The following NDEL1 variants were observed in gnomAD, a reference collection of about 807,000 sequenced individuals.
NDEL1 encodes the protein nuclear distribution protein nudE-like 1.
NDEL1 carries 9 observed loss-of-function variants against 45.7 expected under a neutral mutation model. The observed-to-expected ratio is 0.20, with a 90% CI of 0.12 to 0.34. NDEL1 has a LOEUF of 0.34. NDEL1 is among the 10% of genes least tolerant of loss of function. The pLI is 1.00. For synonymous variants in NDEL1, 133 were observed against 158.6 expected (o/e 0.84, Z 1.21); for missense variants, 306 against 406.2 (o/e 0.75, Z 2.12).
chr17:8,458,766 G>A (rs546175205), intron 7 of NDEL1, among the ~76,000 whole-genome samples: 10 of 152,028 alleles, frequency 6.6e-5, no homozygotes, highest in South Asian at 2.1e-4. Flanking sequence ...TCACTCTGTC[G>A]CCCAGGCTGT....
downstream of NDEL1, among the ~76,000 whole-genome samples, chr17:8,469,705 C>CT (rs60226650): frequency 1.8e-4 from 23 of 129,180 alleles, no homozygotes; most frequent in African/African-American, 4.2e-4. Context: ...ACTTTAGTGA[C>CT]TTTTTTTTTT....
chr17:8,444,045 G>A (rs1909927662), intron 1 of NDEL1: 1 of 399,282 alleles, frequency 2.5e-6, no homozygotes, highest in Admixed American at 4.4e-5. Context: ...TGTATCAAAG[G>A]ACCTTTGTCA....
Position 8,450,948 on chromosome 17 carries a change from C to G in NDEL1, c.695C>G (p.Pro232Arg). The change falls in exon 6 of 9, where the codon CCG (proline) becomes CGG (arginine). Residue 232 changes from proline to arginine, a missense_variant. Transcript: ENST00000334527. The part of the protein sequence containing the change: ...GKGTENTFPS[P>R]KAIPNGFGTS... ...GGAACGGAGAACACTTTTCCTTCAC[C>G]GAAAGGTTTGTAATGTCTTTTCTTT... 6.2e-7 allele frequency: 1 copy of G among 1,607,840 alleles called. No homozygotes were observed. Among genetic ancestry groups the G allele is most frequent in the South Asian group, 1.1e-5 (1 of 89,942 alleles).
chr17:8,446,044 T>C (rs1401420601), intron 3 of NDEL1, 180 bp downstream of exon 3: 1 of 499,024 alleles, frequency 2.0e-6, no homozygotes, highest in Non-Finnish European at 3.2e-6. Flanking sequence ...GTTTAGAGTT[T>C]AGGAGTTCAC....
intron 6 of NDEL1, among the ~76,000 whole-genome samples, 164 bp from the exon 7 acceptor site, chr17:8,454,632 A>G (rs1055520456): frequency 1.3e-5 from 2 of 152,200 alleles, no homozygotes; most frequent in Admixed American, 6.5e-5. Context: ...ATATCCACCA[A>G]TTGGACAGTG....
chr17:8,470,811 C>T (rs141063953), downstream of NDEL1, among the ~76,000 whole-genome samples: 420 of 152,332 alleles, frequency 2.8e-3, 3 homozygotes, highest in East Asian at 0.021. The surrounding 1 kb of genome is among the most constrained non-coding windows in gnomAD (Gnocchi z 4.2). Context: ...GCGGCGGGGC[C>T]GGCACAGCCT....
chr17:8,459,248 G>A (rs1187448849), intron 7 of NDEL1, among the ~76,000 whole-genome samples: 7 of 152,126 alleles, frequency 4.6e-5, no homozygotes, highest in Admixed American at 2.0e-4. Context: ...TGGGCAAAGT[G>A]TTTATGGGAA....
At chr17:8,464,399 T>G (rs1333520372) in intron 8 of NDEL1, 1 of 152,212 alleles carries the variant, frequency 6.6e-6, no homozygotes, top group Non-Finnish European at 1.5e-5. Context: ...TCTCTTCTCT[T>G]GCAAATCTTT....
At chr17:8,445,628 T>C in intron 2 of NDEL1, 83 bp from the exon 3 acceptor site, 3 of 1,441,264 alleles carry the variant, frequency 2.1e-6, no homozygotes, top group Non-Finnish European at 2.8e-6. Flanking sequence ...AAGCAAAAAT[T>C]ATCGAATTGC....
Position 8,459,993 on chromosome 17 carries a change from T to G in NDEL1, c.793-16T>G. 1 of 1,603,880 alleles carries G rather than the reference T, an allele frequency of 6.2e-7. No individual in the cohort carries two copies. The highest frequency in any genetic ancestry group is 2.2e-5 in the East Asian group (1 of 44,748). ...ACTGTTTTGACAACCATATCATTCCTCCTTCTTTTTTGTAGGCTTTAGAAT... is the reference window on the plus strand; with the variant it reads ...ACTGTTTTGACAACCATATCATTCCGCCTTCTTTTTTGTAGGCTTTAGAAT... On this transcript the variant is annotated splice_polypyrimidine_tract_variant and intron_variant, in intron 7 of 8. Transcript: ENST00000334527.
At chr17:8,447,052 C>G (rs996408895) in intron 4 of NDEL1, 150 bp downstream of exon 4, 9 of 968,462 alleles carry the variant, frequency 9.3e-6, no homozygotes, top group Non-Finnish European at 1.3e-5. Flanking sequence ...GAAGGGAACC[C>G]CAAATCCTCA....
chr17:8,447,982 C>CGGGGGGGGGTGGG (rs1910198910), intron 4 of NDEL1, among the ~76,000 whole-genome samples: 3 of 107,712 alleles, frequency 2.8e-5, no homozygotes, highest in African/African-American at 7.1e-5. Flanking sequence ...GGGAGGTGGG[C>CGGGGGGGGGTGGG]GGGGGGGGGG....
downstream of NDEL1, among the ~76,000 whole-genome samples, chr17:8,469,881 T>G (rs12942996): frequency 1.4e-5 from 2 of 140,350 alleles, no homozygotes; most frequent in East Asian, 4.2e-4. Context: ...TTTTTTTTTG[T>G]ATTTTTAGTA....
intron 3 of NDEL1, 113 bp downstream of exon 3, chr17:8,445,977 G>A (rs1910055701): frequency 2.8e-6 from 3 of 1,090,098 alleles, no homozygotes; most frequent in East Asian, 5.9e-5. Flanking sequence ...TGAAAAAAAC[G>A]CTTAAAGTGA....
intron 1 of NDEL1, among the ~76,000 whole-genome samples, chr17:8,413,854 G>A (rs1224683316): frequency 2.0e-5 from 3 of 152,166 alleles, no homozygotes; most frequent in African/African-American, 4.8e-5. Context: ...ATTCTTCAGG[G>A]TTTGGGGTTA....
At chr17:8,429,897 A>G (rs575134069) in intron 1 of NDEL1, among the ~76,000 whole-genome samples, 2 of 152,240 alleles carry the variant, frequency 1.3e-5, no homozygotes, top group East Asian at 3.9e-4. Flanking sequence ...GAGGGAGAGA[A>G]GTTTGGGGAG....
intron 6 of NDEL1, among the ~76,000 whole-genome samples, chr17:8,452,158 C>T (rs1910545547): frequency 6.6e-6 from 1 of 152,178 alleles, no homozygotes; most frequent in African/African-American, 2.4e-5. Context: ...ATCAGGAGCC[C>T]TCACGGTCAG....
At chr17:8,470,288 C>T (rs956916794), downstream of NDEL1, among the ~76,000 whole-genome samples, 2 of 152,042 alleles carry the variant, frequency 1.3e-5, no homozygotes, top group Non-Finnish European at 2.9e-5. The surrounding 1 kb of genome is among the most constrained non-coding windows in gnomAD (Gnocchi z 4.2). Context: ...CATGAAACCT[C>T]GGGAATGAGC....
intron 6 of NDEL1, among the ~76,000 whole-genome samples, chr17:8,453,336 T>G (rs1410898807): frequency 1.3e-5 from 2 of 152,252 alleles, no homozygotes; most frequent in Non-Finnish European, 2.9e-5. Context: ...TGATTAGCAC[T>G]CTGTGGAAAA....
Sources: allele counts gnomAD v4.1 joint callset (sites outside exome capture counted in the v4.1 genomes callset), GRCh38; gene constraint gnomAD v4.1.1; non-coding constraint Gnocchi (gnomAD v3.1); transcripts MANE v1.5; gene names NCBI Gene and HGNC (gene_info 2026-07-23, HGNC 2026-07-21).